Variants in CEP83 observed in about 807,000 individuals in gnomAD.
CEP83 encodes the protein centrosomal protein of 83 kDa.
A neutral mutation model predicts 101.9 loss-of-function variants in CEP83; 70 were observed. That is an observed-to-expected ratio of 0.69 (90% confidence interval 0.57 to 0.84). The LOEUF is 0.84. Among genes scored for constraint, CEP83 ranks in the 40% least tolerant of loss-of-function variants. The pLI is 0.00. For missense variants in CEP83, 715 were observed against 787.2 expected (o/e 0.91, Z 1.10); for synonymous variants, 264 against 267.9 (o/e 0.99, Z 0.14).
chr12:94,366,377 AAAC>A (rs2061028245), intron 11 of CEP83, among the ~76,000 whole-genome samples: 1 of 152,214 alleles, frequency 6.6e-6, no homozygotes, highest in Admixed American at 6.5e-5. Flanking sequence ...CTAAAGATAA[AAAC>A]AACTATACAC....
intron 5 of CEP83, 175 bp downstream of exon 5, chr12:94,402,995 G>C (rs2063341487): frequency 4.9e-6 from 2 of 404,164 alleles, no homozygotes; most frequent in East Asian, 7.3e-5. Flanking sequence ...TGTGGAAAAA[G>C]GAAAGGAGAT....
intron 12 of CEP83, among the ~76,000 whole-genome samples, chr12:94,333,923 CA>C (rs1448139494): frequency 1.3e-5 from 2 of 152,030 alleles, no homozygotes; most frequent in African/African-American, 4.8e-5. Context: ...GAAGGGTTAT[CA>C]GGGGGATTAG....
chr12:94,450,603 CTCCATT>C (rs2067178628), intron 1 of CEP83, among the ~76,000 whole-genome samples: 1 of 152,150 alleles, frequency 6.6e-6, no homozygotes, highest in Non-Finnish European at 1.5e-5. Flanking sequence ...ATCATGAAAA[CTCCATT>C]TCCAAGAGCA....
intron 13 of CEP83, among the ~76,000 whole-genome samples, chr12:94,332,825 C>A (rs193098446): frequency 2.0e-5 from 3 of 151,854 alleles, no homozygotes; most frequent in East Asian, 3.9e-4. Flanking sequence ...TGGTGGCCTT[C>A]AGAAGAAGAA....
intron 14 of CEP83, among the ~76,000 whole-genome samples, chr12:94,320,745 C>A (rs1465532547): frequency 9.2e-5 from 14 of 152,092 alleles, no homozygotes. Flanking sequence ...TTGAAGGGCT[C>A]CTGCTGAGAA....
intron 5 of CEP83, chr12:94,402,428 G>C (rs2063309300): frequency 6.6e-6 from 1 of 152,110 alleles, no homozygotes; most frequent in Admixed American, 6.6e-5. Flanking sequence ...ATAAAAAACA[G>C]AGCAAGGTAA....
chr12:94,391,250 G>A (rs1354888872), intron 6 of CEP83, among the ~76,000 whole-genome samples: 1 of 152,112 alleles, frequency 6.6e-6, no homozygotes, highest in Non-Finnish European at 1.5e-5. Context: ...ACCCACAAAG[G>A]GAAGCCCATC....
chr12:94,381,219 CTT>C (rs2061833117), intron 6 of CEP83, among the ~76,000 whole-genome samples: 1 of 152,142 alleles, frequency 6.6e-6, no homozygotes, highest in Non-Finnish European at 1.5e-5. Flanking sequence ...AGCCTCAGCT[CTT>C]TCTTTTTCCG....
At chr12:94,355,740 G>C (rs570996195) in intron 11 of CEP83, among the ~76,000 whole-genome samples, 1 of 152,198 alleles carries the variant, frequency 6.6e-6, no homozygotes, top group East Asian at 1.9e-4. Flanking sequence ...CACCTGGCCC[G>C]CCCAGGGTGG....
At chr12:94,399,114 G>A (rs879922882) in intron 6 of CEP83, among the ~76,000 whole-genome samples, 1 of 152,050 alleles carries the variant, frequency 6.6e-6, no homozygotes, top group Non-Finnish European at 1.5e-5. Context: ...TTTGATCTTT[G>A]TTCTCCTTTT....
chr12:94,273,913 A>G, the CEP83 span, among the ~76,000 whole-genome samples: 4 of 152,168 alleles, frequency 2.6e-5, no homozygotes, highest in African/African-American at 4.8e-5. Flanking sequence ...GCCGGTCCCT[A>G]CATTCCGTGG....
the CEP83 span, among the ~76,000 whole-genome samples, chr12:94,287,473 C>CCGA: frequency 6.6e-6 from 1 of 152,068 alleles, no homozygotes; most frequent in Non-Finnish European, 1.5e-5. Context: ...TTGGCTGGGC[C>CCGA]GAGTTATTGC....
chr12:94,293,519 T>C, the CEP83 span, among the ~76,000 whole-genome samples: 3 of 152,230 alleles, frequency 2.0e-5, no homozygotes, highest in African/African-American at 7.2e-5. Flanking sequence ...AAAGTACTAG[T>C]AGCTCGGTGA....
At chr12:94,282,731 G>A in the CEP83 span, 2 of 196,252 alleles carry the variant, frequency 1.0e-5, no homozygotes, top group Non-Finnish European at 2.1e-5. Flanking sequence ...GGTGACAAGC[G>A]TGCTGATGCT....
chr12:94,430,409 T>C (rs190390942), intron 2 of CEP83, among the ~76,000 whole-genome samples: 1 of 151,458 alleles, frequency 6.6e-6, no homozygotes, highest in Admixed American at 6.6e-5. Context: ...GAGAAATTTA[T>C]GAAAAAGATA....
At chr12:94,316,666 A>G (rs1179477427) in intron 14 of CEP83, among the ~76,000 whole-genome samples, 2 of 152,086 alleles carry the variant, frequency 1.3e-5, no homozygotes, top group Non-Finnish European at 2.9e-5. Flanking sequence ...GACAATGAAA[A>G]CATGCAGTAT....
intron 1 of CEP83, among the ~76,000 whole-genome samples, chr12:94,436,904 C>T (rs2138295875): frequency 6.6e-6 from 1 of 151,290 alleles, no homozygotes; most frequent in Non-Finnish European, 1.5e-5. Context: ...TGAATAAAGC[C>T]TCCAAGAAAC....
intron 1 of CEP83, among the ~76,000 whole-genome samples, chr12:94,438,087 C>T (rs2066127575): frequency 6.6e-6 from 1 of 151,984 alleles, no homozygotes; most frequent in Non-Finnish European, 1.5e-5. Context: ...GGCATGGTGG[C>T]AGGTGCCTGT....
At chr12:94,431,590 A>G (rs1489891554) in intron 2 of CEP83, among the ~76,000 whole-genome samples, 2 of 151,420 alleles carry the variant, frequency 1.3e-5, no homozygotes, top group Non-Finnish European at 3.0e-5. Flanking sequence ...ATCAAAACTT[A>G]ACGGTAAAAA....
Sources: allele counts gnomAD v4.1 joint callset (sites outside exome capture counted in the v4.1 genomes callset), GRCh38; gene constraint gnomAD v4.1.1; transcripts MANE v1.5; gene names NCBI Gene and HGNC (gene_info 2026-07-23, HGNC 2026-07-21).